The following ADAM22 variants were observed in gnomAD, a reference collection of about 807,000 sequenced individuals.
ADAM22 encodes ADAM metallopeptidase domain 22, also known as disintegrin and metalloproteinase domain-containing protein 22.
Under a neutral mutation model 144.6 loss-of-function variants are expected in ADAM22, and 65 were observed. The observed-to-expected ratio is 0.45, with a 90% confidence interval of 0.37 to 0.55. The LOEUF is 0.55. Ranked by LOEUF, ADAM22 falls within the 20% of genes least tolerant of loss-of-function variation. ADAM22 has a pLI of 0.00. For synonymous variants in ADAM22, 391 were observed against 412.6 expected (o/e 0.95, Z 0.63); for missense variants, 974 against 1,184.9 (o/e 0.82, Z 2.61).
intron 2 of ADAM22, among the ~76,000 whole-genome samples, chr7:87,938,321 C>G (rs1367690272): frequency 3.5e-5 from 5 of 144,202 alleles, no homozygotes; most frequent in African/African-American, 1.3e-4. Context: ...TGGGTTCAAG[C>G]GATATTCCTG....
intron 3 of ADAM22, among the ~76,000 whole-genome samples, chr7:88,062,592 G>A (rs896298344): frequency 2.6e-5 from 4 of 152,152 alleles, no homozygotes; most frequent in African/African-American, 9.7e-5. Flanking sequence ...CATGTGTTCA[G>A]TATAGCAGCA....
intron 4 of ADAM22, among the ~76,000 whole-genome samples, chr7:88,077,549 G>A (rs1046319455): frequency 2.0e-5 from 3 of 152,202 alleles, no homozygotes; most frequent in Non-Finnish European, 2.9e-5. Flanking sequence ...GCGAGGCATC[G>A]CCTCACCTGG....
At chr7:88,131,679 T>G (rs571073849) in intron 11 of ADAM22, 1 of 524,162 alleles carries the variant, frequency 1.9e-6, no homozygotes, top group South Asian at 3.0e-5. Context: ...ATAGAGCATT[T>G]ACTGAGTAAA....
intron 4 of ADAM22, among the ~76,000 whole-genome samples, chr7:88,094,729 A>G (rs1223254830): frequency 6.6e-6 from 1 of 152,214 alleles, no homozygotes; most frequent in African/African-American, 2.4e-5. Context: ...ATTTTTGGAC[A>G]GAGTAAATGC....
intron 3 of ADAM22, among the ~76,000 whole-genome samples, chr7:88,038,807 G>C (rs1439572955): frequency 2.0e-5 from 3 of 149,780 alleles, no homozygotes; most frequent in African/African-American, 4.9e-5. Flanking sequence ...TTTAGACAGA[G>C]TCTCGCTCTG....
chr7:88,189,995 A>T (rs1849257738), intron 30 of ADAM22, among the ~76,000 whole-genome samples: 1 of 152,134 alleles, frequency 6.6e-6, no homozygotes, highest in African/African-American at 2.4e-5. Flanking sequence ...ACCTACTATA[A>T]AACTCACATA....
chr7:88,107,114 T>C (rs1464811244), intron 4 of ADAM22, among the ~76,000 whole-genome samples: 1 of 152,070 alleles, frequency 6.6e-6, no homozygotes, highest in Non-Finnish European at 1.5e-5. Flanking sequence ...CAATATAATT[T>C]AGTGACTCTC....
intron 29 of ADAM22, chr7:88,182,235 T>C (rs1847224774): frequency 2.1e-6 from 1 of 469,306 alleles, no homozygotes; most frequent in Non-Finnish European, 3.7e-6. Flanking sequence ...TATTCATTGA[T>C]AGTGGGGGTC....
At chr7:87,954,514 T>C (rs1846135360) in intron 2 of ADAM22, among the ~76,000 whole-genome samples, 1 of 152,242 alleles carries the variant, frequency 6.6e-6, no homozygotes, top group Non-Finnish European at 1.5e-5. Context: ...AGAGATCTGC[T>C]GTTAGTCTGA....
intron 25 of ADAM22, among the ~76,000 whole-genome samples, chr7:88,170,757 A>G (rs999223873): frequency 6.6e-5 from 10 of 152,074 alleles, no homozygotes; most frequent in South Asian, 6.2e-4. Context: ...CACTTGCATG[A>G]CCTTTCTAAC....
At chr7:88,136,297 C>T (rs1832971404) in intron 14 of ADAM22, among the ~76,000 whole-genome samples, 1 of 152,026 alleles carries the variant, frequency 6.6e-6, no homozygotes, top group African/African-American at 2.4e-5. Context: ...TGCTAATTCC[C>T]TTTCCTTTTA....
At chr7:88,173,626 T>G (rs1403831643) in intron 26 of ADAM22, among the ~76,000 whole-genome samples, 2 of 152,092 alleles carry the variant, frequency 1.3e-5, no homozygotes, top group African/African-American at 4.8e-5. Context: ...GACATTCAAG[T>G]AAAGATCTTC....
chr7:88,149,001 C>T lies in ADAM22; in HGVS notation c.1510C>T (p.Arg504Ter), dbSNP rs1321767325. The T allele has an allele frequency of 1.9e-6, 3 of 1,611,638 alleles. No homozygotes were observed. Among genetic ancestry groups the T allele is most frequent in the Middle Eastern group, 1.7e-4 (1 of 6,052 alleles). The change falls in exon 18 of 32, where the codon CGA (arginine) becomes TGA (stop). Residue 504 changes from arginine to a stop codon, truncating the protein, a stop_gained. Coordinates refer to ENST00000413139, the MANE Select transcript of ADAM22 (RefSeq NM_001324418.2). LOFTEE classifies it high-confidence loss of function. ...CKFQPMGTVC[R>*]EAVNDCDIRE... ...GTTTCAGCCTATGGGCACTGTGTGC[C>T]GAGAAGCAGTAAATGATTGTGATAT...
chr7:88,063,647 C>T lies in ADAM22; in HGVS notation c.324-11979C>T, dbSNP rs1810464194. On this transcript the variant is annotated intron_variant, in intron 3 of 31. Coordinates refer to ENST00000413139, the MANE Select transcript of ADAM22 (RefSeq NM_001324418.2). ...GCCCAGGACAGTGAATGAAAGAAGA[C>T]CCACATGAAGACATACAATTTTGAT... Among the ~76,000 whole-genome samples, 3 of 152,188 alleles carry T rather than the reference C, an allele frequency of 2.0e-5. No homozygotes were observed. The East Asian group carries it at 5.8e-4, about 29-fold the overall frequency.
intron 13 of ADAM22, among the ~76,000 whole-genome samples, chr7:88,135,557 A>G (rs1832822725): frequency 6.6e-6 from 1 of 152,126 alleles, no homozygotes; most frequent in African/African-American, 2.4e-5. Flanking sequence ...AATATATTAC[A>G]CTGCCTTCTA....
chr7:88,086,251 G>A (rs1023539), intron 4 of ADAM22, among the ~76,000 whole-genome samples: 56,920 of 151,690 alleles, frequency 0.38, 11,793 homozygotes, highest in East Asian at 0.62. Flanking sequence ...ATTTGTTGAA[G>A]AAACCAGATT....
chr7:88,142,816 C>T (rs1231954941), intron 14 of ADAM22, among the ~76,000 whole-genome samples: 8 of 148,796 alleles, frequency 5.4e-5, no homozygotes, highest in Non-Finnish European at 1.2e-4. Flanking sequence ...CCAGCCTGGG[C>T]GACAGAGCTA....
chr7:88,183,397 T>C lies in ADAM22; in HGVS notation c.2663+1373T>C, dbSNP rs191058771. On this transcript the variant is annotated intron_variant, in intron 29 of 31. Coordinates refer to ENST00000413139, the MANE Select transcript of ADAM22 (RefSeq NM_001324418.2). ...TTTACTGTTTAGTGTTCTAACAGCA[T>C]TTCCTATAACAAGACTTCAAAAACT... Among the ~76,000 whole-genome samples the C allele has an allele frequency of 1.5e-3, 222 of 152,236 alleles. 1 individual carries two copies. Among genetic ancestry groups the C allele is most frequent in the African/African-American group, 4.9e-3 (204 of 41,536 alleles).
chr7:88,040,594 AG>A (rs1326972344), intron 3 of ADAM22, among the ~76,000 whole-genome samples: 1 of 119,044 alleles, frequency 8.4e-6, no homozygotes, highest in Non-Finnish European at 1.9e-5. Context: ...AATTTTATTT[AG>A]TTTTTTTTTT....
Sources: gnomAD v4.1 joint callset for allele counts (sites outside exome capture counted in the v4.1 genomes callset) on GRCh38, gnomAD v4.1.1 for gene constraint, MANE v1.5 for transcripts, NCBI Gene and HGNC (gene_info 2026-07-23, HGNC 2026-07-21) for gene names.